DOCK8: variants seen among roughly 807,000 people sequenced by gnomAD.
DOCK8 encodes dedicator of cytokinesis protein 8.
In DOCK8, 141 loss-of-function variants were observed where a neutral mutation model predicts 245.6. The ratio of observed to expected loss-of-function variants is 0.57; its 90% CI spans 0.50 to 0.66. The LOEUF is 0.66. Among genes scored for constraint, DOCK8 ranks in the 30% least tolerant of loss-of-function variants. The pLI, the probability that DOCK8 is intolerant of heterozygous loss-of-function variation, is 0.00. For synonymous variants in DOCK8, 1,168 were observed against 970.2 expected (o/e 1.20, Z -3.79); for missense variants, 2,965 against 2,603.4 (o/e 1.14, Z -3.02).
At position 459,562 on chromosome 9, in the gene DOCK8, C is replaced by T. The variant is rs139436799; in HGVS notation, c.6069-3955C>T. 3.7e-3 allele frequency among the ~76,000 whole-genome samples: 567 copies of T among 152,250 alleles called. 4 individuals are homozygous for T. The highest frequency in any genetic ancestry group is 0.013 in the African/African-American group (532 of 41,550). ...TCCTCATTTCTACTCCTGATACTTG[C>T]CTATGATGTGGTCATGATGGCTGGG... On this transcript the variant is annotated intron_variant, in intron 46 of 47. Transcript: ENST00000432829.
At chr9:216,028 G>T (rs2046743387) in intron 1 of DOCK8, among the ~76,000 whole-genome samples, 1 of 152,156 alleles carries the variant, frequency 6.6e-6, no homozygotes, top group South Asian at 2.1e-4. Context: ...GTGTGAAGAG[G>T]TTTGAACAAG....
chr9:447,308 T>C (rs1026931461), intron 44 of DOCK8, among the ~76,000 whole-genome samples: 1 of 152,192 alleles, frequency 6.6e-6, no homozygotes, highest in Non-Finnish European at 1.5e-5. Flanking sequence ...TATACACTTA[T>C]TTGTCGTCCT....
intron 1 of DOCK8, among the ~76,000 whole-genome samples, chr9:235,144 G>A (rs1322269562): frequency 6.6e-6 from 1 of 152,174 alleles, no homozygotes; most frequent in Non-Finnish European, 1.5e-5. Context: ...AGGTCTGTTG[G>A]AGTTTGCTAG....
At chr9:302,525 C>T (rs924373289) in intron 4 of DOCK8, among the ~76,000 whole-genome samples, 1 of 152,168 alleles carries the variant, frequency 6.6e-6, no homozygotes, top group African/African-American at 2.4e-5. Flanking sequence ...TAAAGAGCTT[C>T]TGCACAGCAG....
intron 12 of DOCK8, 94 bp from the exon 13 acceptor site, chr9:338,911 TA>T: frequency 6.0e-6 from 6 of 992,594 alleles, no homozygotes; most frequent in Non-Finnish European, 9.5e-6. Flanking sequence ...CTTGTGAGAA[TA>T]AAACTTAAAG....
chr9:358,505 G>A (rs1284184535), intron 14 of DOCK8, among the ~76,000 whole-genome samples: 1 of 152,210 alleles, frequency 6.6e-6, no homozygotes, highest in Non-Finnish European at 1.5e-5. Context: ...GTGTGTGTAA[G>A]GTTAATATGT....
At chr9:309,786 A>C (rs922505384) in intron 5 of DOCK8, among the ~76,000 whole-genome samples, 1 of 152,248 alleles carries the variant, frequency 6.6e-6, no homozygotes, top group Non-Finnish European at 1.5e-5. Flanking sequence ...GTGTCTATAC[A>C]CAATTTAATT....
intron 10 of DOCK8, among the ~76,000 whole-genome samples, chr9:333,374 G>A (rs1440868364): frequency 6.6e-6 from 1 of 152,212 alleles, no homozygotes; most frequent in African/African-American, 2.4e-5. Flanking sequence ...GGCCAAGGCG[G>A]GCAGATCATG....
chr9:405,870 C>T (rs2055393796), intron 27 of DOCK8, among the ~76,000 whole-genome samples: 1 of 152,182 alleles, frequency 6.6e-6, no homozygotes, highest in Non-Finnish European at 1.5e-5. Context: ...GACTCACAAG[C>T]AGCAATTCAA....
intron 1 of DOCK8, among the ~76,000 whole-genome samples, chr9:245,323 G>A (rs2047482635): frequency 1.3e-5 from 2 of 152,066 alleles, no homozygotes; most frequent in Admixed American, 6.5e-5. Context: ...TCCTACCTCA[G>A]CCTCCCCAAT....
At chr9:445,291 G>A (rs1331795114) in intron 43 of DOCK8, among the ~76,000 whole-genome samples, 1 of 152,166 alleles carries the variant, frequency 6.6e-6, no homozygotes, top group African/African-American at 2.4e-5. Context: ...TGGAATGAGA[G>A]TCTGAACCCA....
chr9:420,863 C>A, intron 31 of DOCK8, 86 bp from the exon 32 acceptor site: 1 of 1,564,484 alleles, frequency 6.4e-7, no homozygotes, highest in African/African-American at 1.4e-5. Context: ...TAGCTGGCAT[C>A]ACTGTGGAGT....
rs1186221992 is a variant in DOCK8, at chr9:429,825, C to T, written c.4597C>T (p.Leu1533Phe). ...CCAAGCCTGTGCCACCCTTTACCTC[C>T]TCATGAGGTTCAGTTTTGGAGCCAC... is the stretch of plus-strand genomic sequence containing the variant. The part of the protein sequence containing the change: ...RSQACATLYL[L>F]MRFSFGATSN... Residue 1533 changes from leucine to phenylalanine, a missense_variant, in exon 36 of 48, where the codon CTC becomes TTC. Leu to Phe is a conservative substitution (Grantham distance 22). Transcript: ENST00000432829. The T allele has an allele frequency of 6.2e-7, 1 of 1,614,150 alleles. No homozygotes were observed. The highest frequency in any genetic ancestry group is 8.5e-7 in the Non-Finnish European group (1 of 1,180,014).
chr9:375,405 G>A (rs768525163), intron 18 of DOCK8, among the ~76,000 whole-genome samples: 2 of 152,166 alleles, frequency 1.3e-5, no homozygotes, highest in East Asian at 1.9e-4. Flanking sequence ...AGCAGGAGCC[G>A]ACCTGGCCTA....
chr9:406,985 T>G lies in DOCK8; in HGVS notation c.3446T>G (p.Leu1149Arg). 6.2e-7 allele frequency: 1 copy of G among 1,614,196 alleles called. No homozygotes were observed. The highest frequency in any genetic ancestry group is 8.5e-7 in the Non-Finnish European group (1 of 1,180,034). ...CAGAAGATCGCCAGCATGTTCGATC[T>G]GACTTCCGAGTACCGCCAGCAGCAC... ...QDQKIASMFD[L>R]TSEYRQQHFL... Residue 1149 changes from leucine (L) to arginine (R), a missense_variant, in exon 28 of 48, where the codon CTG (leucine) becomes CGG (arginine). Transcript: ENST00000432829.
intron 14 of DOCK8, among the ~76,000 whole-genome samples, chr9:355,634 A>G (rs1216913204): frequency 6.6e-6 from 1 of 152,228 alleles, no homozygotes; most frequent in Non-Finnish European, 1.5e-5. Flanking sequence ...ATAAGCCTGC[A>G]AAATAGGGAA....
At chr9:215,091 AGCTTCGCT>A in intron 1 of DOCK8, 62 bp downstream of exon 1, 1 of 1,520,360 alleles carries the variant, frequency 6.6e-7, no homozygotes, top group East Asian at 2.6e-5. Flanking sequence ...TGTGAAGCGG[AGCTTCGCT>A]GCAGGGGCCG....
intron 2 of DOCK8, chr9:280,650 T>G (rs554066943): frequency 6.6e-6 from 1 of 152,340 alleles, no homozygotes; most frequent in South Asian, 2.1e-4. Context: ...TCTCCTTTGA[T>G]TAACTTAAAG....
intron 2 of DOCK8, chr9:273,050 T>C: frequency 7.1e-6 from 7 of 985,390 alleles, no homozygotes; most frequent in Non-Finnish European, 8.4e-6. Flanking sequence ...GTAACCGCCA[T>C]TTTGTCTCCT....
Sources: gnomAD v4.1 joint callset for allele counts (sites outside exome capture counted in the v4.1 genomes callset) on GRCh38, gnomAD v4.1.1 for gene constraint, MANE v1.5 for transcripts, NCBI Gene and HGNC (gene_info 2026-07-23, HGNC 2026-07-21) for gene names.